The following EPHA6 variants were observed in gnomAD, a reference collection of about 807,000 sequenced individuals.
EPHA6 encodes ephrin type-A receptor 6.
EPHA6 carries 50 observed loss-of-function variants against 112.0 expected under a neutral mutation model. That is an observed-to-expected ratio of 0.45 (90% confidence interval 0.36 to 0.56). The LOEUF is 0.56. EPHA6 is among the 20% of genes least tolerant of loss of function. The probability of loss-of-function intolerance (pLI) is 0.00; values close to 1 mark genes in which losing one functional copy is unlikely to be tolerated. For synonymous variants in EPHA6, 529 were observed against 490.7 expected (o/e 1.08, Z -1.03); for missense variants, 1,280 against 1,417.4 (o/e 0.90, Z 1.56).
chr3:97,539,140 T>C (rs2092811775), intron 11 of EPHA6, among the ~76,000 whole-genome samples: 1 of 148,410 alleles, frequency 6.7e-6, no homozygotes, highest in African/African-American at 2.5e-5. Flanking sequence ...CTTTCTTTCT[T>C]TCTTTCTTCT....
chr3:97,473,781 A>AAGGTC (rs1400896236), intron 7 of EPHA6, among the ~76,000 whole-genome samples: 1 of 151,874 alleles, frequency 6.6e-6, no homozygotes, highest in Non-Finnish European at 1.5e-5. Context: ...AGATTAGGAA[A>AAGGTC]TTCAGTGAAG....
chr3:97,646,289 CAA>C (rs1387939370), intron 14 of EPHA6: 1 of 1,529,824 alleles, frequency 6.5e-7, no homozygotes, highest in Admixed American at 2.0e-5. Context: ...AGCAATGTGA[CAA>C]GAGAGATAAC....
intron 5 of EPHA6, among the ~76,000 whole-genome samples, chr3:97,357,702 T>C (rs1395267273): frequency 6.6e-6 from 1 of 152,218 alleles, no homozygotes; most frequent in Non-Finnish European, 1.5e-5. Flanking sequence ...CCTTAACTAT[T>C]AATAGCTTAG....
At position 96,971,846 on chromosome 3, in the gene EPHA6, T is replaced by C. The variant is rs144170089; in HGVS notation, c.451-15484T>C. On this transcript the variant is annotated intron_variant, in intron 2 of 17. Transcript: ENST00000389672. ...CCATTCTGCATTCTTAATCTTAGAA[T>C]GAAGTTGAAGATTTTATTTCCCTTT... Among the ~76,000 whole-genome samples the C allele has an allele frequency of 2.2e-4, 33 of 152,252 alleles. No homozygotes were observed. The East Asian group carries it at 5.6e-3, about 26-fold the overall frequency.
At chr3:96,966,272 C>A (rs2042118783) in intron 2 of EPHA6, among the ~76,000 whole-genome samples, 1 of 151,846 alleles carries the variant, frequency 6.6e-6, no homozygotes, top group Non-Finnish European at 1.5e-5. Flanking sequence ...TTACAGTAAC[C>A]CATCCAAGGG....
At chr3:97,151,239 T>C (rs1277143194) in intron 3 of EPHA6, among the ~76,000 whole-genome samples, 1 of 152,190 alleles carries the variant, frequency 6.6e-6, no homozygotes, top group Non-Finnish European at 1.5e-5. Context: ...ATTTTAAGTA[T>C]GATTTCTTTG....
At chr3:96,891,184 C>A (rs2037938933) in intron 2 of EPHA6, among the ~76,000 whole-genome samples, 1 of 152,016 alleles carries the variant, frequency 6.6e-6, no homozygotes, top group Non-Finnish European at 1.5e-5. Flanking sequence ...GAAACGTGGA[C>A]ATAACTGCCA....
intron 3 of EPHA6, among the ~76,000 whole-genome samples, chr3:97,052,861 C>T (rs533802306): frequency 4.7e-4 from 72 of 152,160 alleles, no homozygotes; most frequent in Middle Eastern, 3.4e-3. Flanking sequence ...GATACAATGC[C>T]ATCTCTATCA....
At position 96,948,648 on chromosome 3, in the gene EPHA6, A is replaced by G. The variant is rs549290429; in HGVS notation, c.451-38682A>G. ...ATATTTGATTAGTGGTGTTTCCTCTATCTTCAGGTATGCCTCCTTTCACCA... is the reference window on the plus strand; with the variant it reads ...ATATTTGATTAGTGGTGTTTCCTCTGTCTTCAGGTATGCCTCCTTTCACCA... On this transcript the variant is annotated intron_variant, in intron 2 of 17. Transcript: ENST00000389672. 1.4e-4 allele frequency among the ~76,000 whole-genome samples: 21 copies of G among 152,334 alleles called. 2 individuals carry two copies. Among genetic ancestry groups the G allele is most frequent in the Admixed American group, 1.4e-3 (21 of 15,294 alleles).
At chr3:96,896,147 C>T (rs924846252) in intron 2 of EPHA6, among the ~76,000 whole-genome samples, 26 of 152,264 alleles carry the variant, frequency 1.7e-4, no homozygotes, top group African/African-American at 6.0e-4. Context: ...CTATCCTCTC[C>T]TTTTTGCCTT....
intron 2 of EPHA6, among the ~76,000 whole-genome samples, chr3:96,875,259 T>C (rs918988647): frequency 1.3e-5 from 2 of 152,108 alleles, no homozygotes; most frequent in African/African-American, 4.8e-5. Flanking sequence ...GGCTTTCTTT[T>C]ATCAGCTCAT....
chr3:97,218,283 T>A (rs1468894168), intron 3 of EPHA6, among the ~76,000 whole-genome samples: 1 of 150,848 alleles, frequency 6.6e-6, no homozygotes, highest in Non-Finnish European at 1.5e-5. Flanking sequence ...AAAAAAAAAA[T>A]GTAAAACCAT....
intron 10 of EPHA6, among the ~76,000 whole-genome samples, chr3:97,518,814 C>T (rs2092490270): frequency 6.6e-6 from 1 of 151,908 alleles, no homozygotes; most frequent in Admixed American, 6.6e-5. Context: ...CCTTTGCCCA[C>T]TTTTTAATAA....
At chr3:97,656,734 G>T (rs1247814505) in intron 14 of EPHA6, among the ~76,000 whole-genome samples, 1 of 151,862 alleles carries the variant, frequency 6.6e-6, no homozygotes, top group African/African-American at 2.4e-5. Context: ...TGACTGCAAA[G>T]AGCTTTCCTC....
At chr3:97,300,364 C>T (rs947236213) in intron 5 of EPHA6, among the ~76,000 whole-genome samples, 6 of 152,134 alleles carry the variant, frequency 3.9e-5, no homozygotes, top group Non-Finnish European at 8.8e-5. Flanking sequence ...CTGTTGGTAT[C>T]CAGGGTAAAG....
intron 3 of EPHA6, among the ~76,000 whole-genome samples, chr3:97,109,599 A>G (rs1382794374): frequency 1.3e-5 from 2 of 152,182 alleles, no homozygotes; most frequent in Non-Finnish European, 2.9e-5. Flanking sequence ...TTTATAAAGT[A>G]CAGAGTTGTT....
chr3:97,627,223 G>A (rs2093865263), intron 13 of EPHA6, among the ~76,000 whole-genome samples: 1 of 151,804 alleles, frequency 6.6e-6, no homozygotes, highest in South Asian at 2.1e-4. Context: ...GTACTTTTCT[G>A]GATCCTGGAA....
chr3:96,820,753 A>G (rs2107217072), intron 1 of EPHA6, among the ~76,000 whole-genome samples: 2 of 152,160 alleles, frequency 1.3e-5, no homozygotes, highest in Middle Eastern at 3.4e-3. Context: ...ATTTGGATCA[A>G]CAAATGCAAT....
chr3:97,057,615 A>G (rs531657195), intron 3 of EPHA6, among the ~76,000 whole-genome samples: 5 of 152,328 alleles, frequency 3.3e-5, no homozygotes, highest in Admixed American at 3.3e-4. Context: ...GTATCAGGAG[A>G]GTTGTCTTAT....
Sources: gnomAD v4.1 joint callset for allele counts (sites outside exome capture counted in the v4.1 genomes callset) on GRCh38, gnomAD v4.1.1 for gene constraint, MANE v1.5 for transcripts, NCBI Gene and HGNC (gene_info 2026-07-23, HGNC 2026-07-21) for gene names.